PCDH11X: variants seen among roughly 807,000 people sequenced by gnomAD.
PCDH11X encodes protocadherin-11 X-linked.
PCDH11X carries 18 observed loss-of-function variants against 53.3 expected under a neutral mutation model. The ratio of observed to expected loss-of-function variants is 0.34; its 90% CI spans 0.23 to 0.50. The LOEUF is 0.50. Among genes scored for constraint, PCDH11X ranks in the 20% least tolerant of loss-of-function variants. PCDH11X has a pLI of 0.98. For missense variants in PCDH11X, 570 were observed against 1,032.4 expected (o/e 0.55, Z 6.14); for synonymous variants, 279 against 393.3 (o/e 0.71, Z 3.44).
At chrX:92,317,683 T>C (rs748659801) in intron 8 of PCDH11X, among the ~76,000 whole-genome samples, 2 of 111,850 alleles carry the variant, frequency 1.8e-5, no homozygotes, top group South Asian at 7.4e-4. Flanking sequence ...GTCATTAATA[T>C]TTAAGTGTAA....
rs1242825783 is a variant in PCDH11X at position 91,981,018 on chromosome X, CTG to C, written c.3033+101746_3033+101747del. On this transcript the variant is annotated intron_variant, in intron 6 of 10. Transcript: ENST00000682573. ...TATACACTGAATATATATATATACA[CTG>C]AATATATATATATATACACTGAATA... 2.1e-3 allele frequency among the ~76,000 whole-genome samples: 202 copies of C among 97,136 alleles called. 1 individual carries two copies. Among genetic ancestry groups the C allele is most frequent in the African/African-American group, 7.3e-3 (192 of 26,291 alleles). The allele number at this position is 97,136 out of a possible 115,157, so 84.4% of individuals were successfully genotyped here.
chrX:91,789,063 G>A (rs1359412898), intron 1 of PCDH11X, among the ~76,000 whole-genome samples: 1 of 107,236 alleles, frequency 9.3e-6, no homozygotes, highest in Non-Finnish European at 1.9e-5. Context: ...TTAGCTGGGC[G>A]TCTTGCTGCG....
intron 1 of PCDH11X, among the ~76,000 whole-genome samples, chrX:91,787,641 C>T (rs61636516): frequency 0.063 from 7,023 of 110,957 alleles, 574 homozygotes; most frequent in African/African-American, 0.22. Context: ...AAGCAGTAGA[C>T]GTCTAGGACA....
chrX:92,163,565 C>T (rs2065680045), intron 6 of PCDH11X, among the ~76,000 whole-genome samples: 1 of 111,030 alleles, frequency 9.0e-6, no homozygotes, highest in Non-Finnish European at 1.9e-5. Flanking sequence ...TGACTCAGCT[C>T]TAGATGAGGT....
At chrX:91,866,738 GT>G (rs1227131281) in intron 5 of PCDH11X, among the ~76,000 whole-genome samples, 4 of 111,027 alleles carry the variant, frequency 3.6e-5, no homozygotes, top group Non-Finnish European at 3.8e-5. Flanking sequence ...CTATGAAGGT[GT>G]TTTTTCTTTG....
At chrX:92,493,500 A>G (rs2073803318) in intron 10 of PCDH11X, among the ~76,000 whole-genome samples, 1 of 110,209 alleles carries the variant, frequency 9.1e-6, no homozygotes, top group African/African-American at 3.3e-5. Context: ...TTAGAAGTCA[A>G]TAAGGTAGTA....
At chrX:92,143,611 A>T (rs960663541) in intron 6 of PCDH11X, among the ~76,000 whole-genome samples, 38 of 112,556 alleles carry the variant, frequency 3.4e-4, no homozygotes, top group African/African-American at 1.1e-3. Context: ...ATTTAGAAGA[A>T]GATGTATGGA....
At chrX:91,811,432 T>C in intron 4 of PCDH11X, 137 bp downstream of exon 4, 1 of 507,947 alleles carries the variant, frequency 2.0e-6, no homozygotes, top group Non-Finnish European at 3.2e-6. Flanking sequence ...GAGTTTAAAA[T>C]GTTAACAGTG....
Position 92,580,978 on chromosome X carries a change from A to G in PCDH11X, c.3368-37286A>G, listed in dbSNP as rs1923617908. 4.6e-5 allele frequency among the ~76,000 whole-genome samples: 5 copies of G among 109,410 alleles called. No homozygotes were observed. In the South Asian group the frequency reaches 2.1e-3, roughly 46 times the overall value. ...TCAGTCCCAGTGAGAGAACCTGGAT[A>G]CTTCAGTTGAAGGTGCAGGATTCAC... is the stretch of plus-strand genomic sequence containing the variant. On this transcript the variant is annotated intron_variant, in intron 10 of 10. Transcript: ENST00000682573.
At chrX:92,338,933 G>A (rs1379354394) in intron 8 of PCDH11X, among the ~76,000 whole-genome samples, 1 of 111,403 alleles carries the variant, frequency 9.0e-6, no homozygotes, top group Non-Finnish European at 1.9e-5. Flanking sequence ...AAGACAATAT[G>A]GAAGCAAAAA....
intron 8 of PCDH11X, chrX:92,288,003 G>T (rs1016550913): frequency 2.0e-6 from 1 of 512,761 alleles, no homozygotes; most frequent in Admixed American, 2.7e-5. Context: ...TGCCATGACC[G>T]TAAGTTTCCT....
intron 8 of PCDH11X, among the ~76,000 whole-genome samples, chrX:92,277,692 G>A (rs1389078991): frequency 6.4e-5 from 7 of 109,407 alleles, no homozygotes; most frequent in Non-Finnish European, 1.3e-4. Flanking sequence ...AAGGGGTCAG[G>A]GCACGGAAAT....
At chrX:92,216,386 C>T (rs952747430) in intron 7 of PCDH11X, among the ~76,000 whole-genome samples, 11 of 104,932 alleles carry the variant, frequency 1.0e-4, no homozygotes, top group Admixed American at 3.1e-4. Context: ...AGCCAAGGCT[C>T]GAGAACTATG....
intron 6 of PCDH11X, among the ~76,000 whole-genome samples, chrX:92,166,358 A>G (rs1390399787): frequency 9.1e-6 from 1 of 109,708 alleles, no homozygotes; most frequent in Non-Finnish European, 1.9e-5. Context: ...AAATATAGTA[A>G]TAACTATGAC....
intron 10 of PCDH11X, among the ~76,000 whole-genome samples, chrX:92,480,310 A>G (rs1456143962): frequency 2.7e-5 from 3 of 111,039 alleles, no homozygotes; most frequent in Admixed American, 1.9e-4. Flanking sequence ...CTGCATCTCA[A>G]TGATCTTAGT....
At chrX:92,520,323 A>C (rs1368085542) in intron 10 of PCDH11X, among the ~76,000 whole-genome samples, 2 of 106,476 alleles carry the variant, frequency 1.9e-5, no homozygotes, top group Admixed American at 2.0e-4. Flanking sequence ...TTTAAAATGT[A>C]TATACCTTAG....
At chrX:91,815,423 A>G (rs888447562) in intron 4 of PCDH11X, among the ~76,000 whole-genome samples, 2 of 111,742 alleles carry the variant, frequency 1.8e-5, no homozygotes, top group Non-Finnish European at 3.8e-5. Flanking sequence ...CATTAAGACA[A>G]TTGCAAAAAA....
chrX:92,373,137 T>C (rs1169235282), intron 8 of PCDH11X, among the ~76,000 whole-genome samples: 1 of 107,671 alleles, frequency 9.3e-6, no homozygotes, highest in Non-Finnish European at 1.9e-5. Flanking sequence ...AGAAGAAATG[T>C]ATACATATTT....
intron 8 of PCDH11X, among the ~76,000 whole-genome samples, chrX:92,279,343 C>G (rs1006202945): frequency 2.7e-5 from 3 of 112,117 alleles, no homozygotes; most frequent in Admixed American, 9.5e-5. Context: ...CGATGCATCT[C>G]TTTACTAACA....
Sources: gnomAD v4.1 joint callset for allele counts (sites outside exome capture counted in the v4.1 genomes callset) on GRCh38, gnomAD v4.1.1 for gene constraint, MANE v1.5 for transcripts, NCBI Gene and HGNC (gene_info 2026-07-23, HGNC 2026-07-21) for gene names.